The following DDX39A variants were observed in gnomAD, a reference collection of about 807,000 sequenced individuals.
DDX39A encodes the protein DExD-box helicase 39A, also known as ATP-dependent RNA helicase DDX39A.
Under a neutral mutation model 46.3 loss-of-function variants are expected in DDX39A, and 13 were observed. That is an observed-to-expected ratio of 0.28 (90% CI 0.18 to 0.45). DDX39A has a LOEUF of 0.45. Among genes scored for constraint, DDX39A ranks in the 20% least tolerant of loss-of-function variants. The probability of loss-of-function intolerance (pLI) is 1.00; values close to 1 mark genes in which losing one functional copy is unlikely to be tolerated. For synonymous variants in DDX39A, 234 were observed against 224.6 expected (o/e 1.04, Z -0.38); for missense variants, 352 against 581.8 (o/e 0.61, Z 4.06).
chr19:14,409,662 C>T lies in DDX39A; in HGVS notation c.865-17G>A. 1 of 1,608,328 alleles carries T rather than the reference C, an allele frequency of 6.2e-7. No individual in the cohort carries two copies. ...GATTATCACCTGAGGGAAGGAGTGG[C>T]AGTCAGGGCCACACAGTCCCTGTGG... On this transcript the variant is annotated splice_polypyrimidine_tract_variant and intron_variant, in intron 7 of 10. Coordinates refer to ENST00000242776, the MANE Select transcript of DDX39A (RefSeq NM_005804.4). This position sits in a 1 kb window ranked among gnomAD's most constrained non-coding sequence, Gnocchi z 8.3.
rs1378985251 is a variant in DDX39A, at chr19:14,409,461, G to T, written c.975-14C>A. The T allele has an allele frequency of 6.2e-7, 1 of 1,613,610 alleles. No individual in the cohort carries two copies. The highest frequency in any genetic ancestry group is 2.2e-5 in the East Asian group (1 of 44,882). The stretch of plus-strand genomic sequence containing the variant: ...TAGCGTGACAGGCTGGGGTGCAGGA[G>T]AAACAAGTGGAGGCCGTCAGACACT... On this transcript the variant is annotated splice_polypyrimidine_tract_variant and intron_variant, in intron 8 of 10. Coordinates refer to ENST00000242776, the MANE Select transcript of DDX39A (RefSeq NM_005804.4). The surrounding 1 kb of genome is among the most constrained non-coding windows in gnomAD (Gnocchi z 8.3).
In DDX39A at chr19:14,409,358, A is replaced by G; in HGVS notation, c.1064T>C (p.Val355Ala). 6.2e-7 allele frequency: 1 copy of G among 1,614,000 alleles called. No homozygotes were observed. ...CATGTCGTAGTTAAAGACGATGTTG[A>G]CTCGCTCGATGTCCATCCCCCGGCC... is the stretch of plus-strand genomic sequence containing the variant. ...LFGRGMDIER[V>A]NIVFNYDMPE... The change falls in exon 9 of 11, where the codon GTC becomes GCC. Residue 355 changes from valine (V) to alanine (A), a missense_variant. By Grantham distance (64) the Val-to-Ala change is moderately conservative. Around this residue, in one of 3 missense-constraint regions of DDX39A, gnomAD observed 301 missense variants for 469.9 expected, o/e 0.64. Transcript: ENST00000242776. The surrounding 1 kb of genome is among the most constrained non-coding windows in gnomAD (Gnocchi z 8.3).
At position 14,410,052 on chromosome 19, in the gene DDX39A, C is replaced by A; in HGVS notation, c.732+164G>T. ...AGCTCTGGCCCGACTCAGGTGTGGA[C>A]CAAGCTTGACTCCCAGTTTGACAAG... On this transcript the variant is annotated intron_variant, in intron 6 of 10. Coordinates refer to ENST00000242776, the MANE Select transcript of DDX39A (RefSeq NM_005804.4). This position sits in a 1 kb window ranked among gnomAD's most constrained non-coding sequence, Gnocchi z 4.3. The A allele has an allele frequency of 1.9e-6, 2 of 1,041,780 alleles. No homozygotes were observed. The highest frequency in any genetic ancestry group is 2.4e-5 in the East Asian group (1 of 41,922). The allele number at this position is 1,041,780 out of a possible 1,614,324, so 64.5% of individuals were successfully genotyped here. A position where few individuals can be genotyped will look rare whatever the true frequency, so the allele number is the denominator to read the frequency against.
At position 14,408,876 on chromosome 19, in the gene DDX39A, G is replaced by A. The variant is rs1406480303; in HGVS notation, c.*60C>T. 6.5e-7 allele frequency: 1 copy of A among 1,532,846 alleles called. No individual in the cohort carries two copies. Among genetic ancestry groups the A allele is most frequent in the Non-Finnish European group, 8.8e-7 (1 of 1,140,558 alleles). 95.0% of individuals were successfully genotyped at this position (1,532,846 alleles called of 1,614,324 possible). A position where few individuals can be genotyped will look rare whatever the true frequency, so the allele number is the denominator to read the frequency against. On this transcript the variant is annotated 3_prime_UTR_variant, in exon 11 of 11. Transcript: ENST00000242776. ...TCTAGCTTCTCAACAGTGGCGCCTG[G>A]AAAGGGGAGGTGAAGCTGCATGCGG...
At chr19:14,416,713 G>T (rs781328892) in intron 1 of DDX39A, among the ~76,000 whole-genome samples, 3 of 152,146 alleles carry the variant, frequency 2.0e-5, no homozygotes, top group African/African-American at 4.8e-5. Context: ...TTGAGACAGG[G>T]TCTCGCTCTG....
At position 14,409,650 on chromosome 19, in the gene DDX39A, G is replaced by A. The variant is rs1976478517; in HGVS notation, c.865-5C>T. ...TGACTTGACGAAGATTATCACCTGAGGGAAGGAGTGGCAGTCAGGGCCACA... is the reference window on the plus strand; with the variant it reads ...TGACTTGACGAAGATTATCACCTGAAGGAAGGAGTGGCAGTCAGGGCCACA... On this transcript the variant is annotated splice_region_variant and splice_polypyrimidine_tract_variant and intron_variant, in intron 7 of 10. Coordinates refer to ENST00000242776, the MANE Select transcript of DDX39A (RefSeq NM_005804.4). This position sits in a 1 kb window ranked among gnomAD's most constrained non-coding sequence, Gnocchi z 8.3. 3 of 1,608,974 alleles carry A rather than the reference G, an allele frequency of 1.9e-6. No homozygotes were observed. The African/African-American group carries it at 4.0e-5, about 21-fold the overall frequency.
rs541509391 is a variant in DDX39A at position 14,412,878 on chromosome 19, G to A, written c.208+135C>T. On this transcript the variant is annotated intron_variant, in intron 2 of 10. Transcript: ENST00000242776. This position sits in a 1 kb window ranked among gnomAD's most constrained non-coding sequence, Gnocchi z 4.4. ...CCGAGGGCAGCCACAGGCCCCGCTG[G>A]GCACAACTGATCCGCGGGACAGACG... The A allele has an allele frequency of 3.9e-6, 5 of 1,277,582 alleles. No homozygotes were observed. In the South Asian group the frequency reaches 4.3e-5, roughly 11 times the overall value. The allele number at this position is 1,277,582 out of a possible 1,614,324, so 79.1% of individuals were successfully genotyped here.
chr19:14,416,622 C>T (rs1976819244), intron 1 of DDX39A, among the ~76,000 whole-genome samples: 1 of 152,212 alleles, frequency 6.6e-6, no homozygotes, highest in South Asian at 2.1e-4. Flanking sequence ...GACTAGCTGG[C>T]TGGCGTCAGG....
intron 1 of DDX39A, 55 bp from the exon 2 acceptor site, chr19:14,413,279 T>G: frequency 1.3e-6 from 2 of 1,496,790 alleles, no homozygotes; most frequent in Non-Finnish European, 1.8e-6. Context: ...ATGATGAAGC[T>G]TCATTCAAAT....
In DDX39A at chr19:14,409,897, G is replaced by A. The variant is rs1454773042; in HGVS notation, c.733-24C>T. The A allele has an allele frequency of 3.1e-6, 5 of 1,612,580 alleles. No individual in the cohort carries two copies. The highest frequency in any genetic ancestry group is 4.2e-6 in the Non-Finnish European group (5 of 1,179,920). The stretch of plus-strand genomic sequence containing the variant: ...GGCTGTGTGGGAAGGGAGGTGGGAG[G>A]GGCGGGCAGGGATCACCTCTGGGCA... On this transcript the variant is annotated intron_variant, in intron 6 of 10. Transcript: ENST00000242776. The surrounding 1 kb of genome is among the most constrained non-coding windows in gnomAD (Gnocchi z 8.3).
rs576870516 is a variant in DDX39A, at chr19:14,412,353, G to T, written c.336+198C>A. On this transcript the variant is annotated intron_variant, in intron 3 of 10. Transcript: ENST00000242776. This position sits in a 1 kb window ranked among gnomAD's most constrained non-coding sequence, Gnocchi z 4.4. ...TTATAACTAATTATTTTTTGAGATG[G>T]AGTCTACCTCTGCCACCCAGGCTGG... is the stretch of plus-strand genomic sequence containing the variant. 1.8e-6 allele frequency: 1 copy of T among 561,234 alleles called. No individual in the cohort carries two copies. Among genetic ancestry groups the T allele is most frequent in the Admixed American group, 3.7e-5 (1 of 27,386 alleles). The allele number at this position is 561,234 out of a possible 1,614,324, so 34.8% of individuals were successfully genotyped here. A position where few individuals can be genotyped will look rare whatever the true frequency, so the allele number is the denominator to read the frequency against.
intron 1 of DDX39A, among the ~76,000 whole-genome samples, chr19:14,417,161 G>A (rs1047556180): frequency 3.3e-5 from 5 of 152,144 alleles, no homozygotes; most frequent in African/African-American, 4.8e-5. Flanking sequence ...GGGTAGGGGC[G>A]TGAGGTAAGG....
chr19:14,415,298 CT>C (rs1192105814), intron 1 of DDX39A, among the ~76,000 whole-genome samples: 1 of 151,988 alleles, frequency 6.6e-6, no homozygotes, highest in Non-Finnish European at 1.5e-5. Context: ...TACTCCCTTC[CT>C]TTTTTTTCCC....
rs1976644584 is a variant in DDX39A, at chr19:14,412,749, CG to C, written c.209-72del. 2 of 1,537,758 alleles carry C rather than the reference CG, an allele frequency of 1.3e-6. No homozygotes were observed. Among genetic ancestry groups the C allele is most frequent in the Non-Finnish European group, 1.7e-6 (2 of 1,145,664 alleles). On this transcript the variant is annotated intron_variant, in intron 2 of 10. Coordinates refer to ENST00000242776, the MANE Select transcript of DDX39A (RefSeq NM_005804.4). This position sits in a 1 kb window ranked among gnomAD's most constrained non-coding sequence, Gnocchi z 4.4. ...CCGTGCAGGATCCTCACCAGTTGAC[CG>C]GGGGCCCACAGTGAGGGCAATCAGA...
chr19:14,410,346 G>A lies in DDX39A; in HGVS notation c.614-12C>T, dbSNP rs1355932405. The A allele has an allele frequency of 1.2e-6, 2 of 1,611,206 alleles. No individual in the cohort carries two copies. Among genetic ancestry groups the A allele is most frequent in the Admixed American group, 1.7e-5 (1 of 60,002 alleles). On this transcript the variant is annotated splice_polypyrimidine_tract_variant and intron_variant, in intron 5 of 10. Transcript: ENST00000242776. This position sits in a 1 kb window ranked among gnomAD's most constrained non-coding sequence, Gnocchi z 4.3. Reference sequence around the variant, plus strand: ...ATCCCGCCGCATGTCTAGGTGGGGAGGGCAAGACATGGGTGGGCATGAGCG... The same window carrying A: ...ATCCCGCCGCATGTCTAGGTGGGGAAGGCAAGACATGGGTGGGCATGAGCG...
chr19:14,414,714 G>A (rs1163314363), intron 1 of DDX39A, among the ~76,000 whole-genome samples: 3 of 148,802 alleles, frequency 2.0e-5, no homozygotes, highest in Non-Finnish European at 3.0e-5. Context: ...TGTAATCCCA[G>A]CACTTTTGAG....
Position 14,412,983 on chromosome 19 carries a change from G to A in DDX39A, c.208+30C>T. 6.2e-7 allele frequency: 1 copy of A among 1,605,126 alleles called. No individual in the cohort carries two copies. Among genetic ancestry groups the A allele is most frequent in the East Asian group, 2.2e-5 (1 of 44,810 alleles). ...GCTGGTCTTGTCTTGGTGAGGACCT[G>A]GGCAAGAGGATAACACCCAGAAGGC... On this transcript the variant is annotated intron_variant, in intron 2 of 10. Coordinates refer to ENST00000242776, the MANE Select transcript of DDX39A (RefSeq NM_005804.4). This position sits in a 1 kb window ranked among gnomAD's most constrained non-coding sequence, Gnocchi z 4.4.
In DDX39A at chr19:14,413,135, G is replaced by A. The variant is rs746914366; in HGVS notation, c.86C>T (p.Pro29Leu). The A allele has an allele frequency of 2.5e-6, 4 of 1,614,122 alleles. No homozygotes were observed. In the East Asian group the frequency reaches 8.9e-5, roughly 36 times the overall value. ...PQAPQESTPA[P>L]PKKDIKGSYV... Reference sequence around the variant, plus strand: ...GGATCCCTTGATGTCTTTCTTAGGGGGAGCTGGTGTGCTCTCTTGAGGAGC... The same window carrying A: ...GGATCCCTTGATGTCTTTCTTAGGGAGAGCTGGTGTGCTCTCTTGAGGAGC... Residue 29 changes from proline (P) to leucine (L), a missense_variant, in exon 2 of 11, where the codon CCC becomes CTC. Pro to Leu is a moderately conservative substitution (Grantham distance 98). Around this residue, in one of 3 missense-constraint regions of DDX39A, gnomAD observed 46 missense variants for 78.2 expected, o/e 0.59. Coordinates refer to ENST00000242776, the MANE Select transcript of DDX39A (RefSeq NM_005804.4).
rs576302765 is a variant in DDX39A at position 14,412,725 on chromosome 19, C to T, written c.209-47G>A. 1.2e-5 allele frequency: 19 copies of T among 1,564,388 alleles called. No homozygotes were observed. The highest frequency in any genetic ancestry group is 5.4e-5 in the African/African-American group (4 of 74,458). ...AGGGACGAGAACCTGGATGCACCCC[C>T]GTGCAGGATCCTCACCAGTTGACCG... On this transcript the variant is annotated intron_variant, in intron 2 of 10. Transcript: ENST00000242776. The surrounding 1 kb of genome is among the most constrained non-coding windows in gnomAD (Gnocchi z 4.4).
Sources: allele counts gnomAD v4.1 joint callset (sites outside exome capture counted in the v4.1 genomes callset), GRCh38; gene constraint gnomAD v4.1.1; regional missense constraint gnomAD v4.1.1; non-coding constraint Gnocchi (gnomAD v3.1); transcripts MANE v1.5; gene names NCBI Gene and HGNC (gene_info 2026-07-23, HGNC 2026-07-21).